SPEF2: variants seen among roughly 807,000 people sequenced by gnomAD.
The protein encoded by SPEF2 is sperm flagella and cilia-associated protein 2.
SPEF2 carries 187 observed loss-of-function variants against 224.6 expected under a neutral mutation model. The observed-to-expected ratio is 0.83, with a 90% CI of 0.74 to 0.94. The LOEUF (loss-of-function observed/expected upper bound fraction) is 0.94, where lower values mean the gene tolerates loss of function less well. Ranked by LOEUF, SPEF2 falls within the 40% of genes least tolerant of loss-of-function variation. The probability of loss-of-function intolerance (pLI) is 0.00; values close to 1 mark genes in which losing one functional copy is unlikely to be tolerated. For synonymous variants in SPEF2, 715 were observed against 707.3 expected (o/e 1.01, Z -0.17); for missense variants, 2,170 against 2,135.6 (o/e 1.02, Z -0.32).
At chr5:35,746,943 G>A (rs1748635829) in intron 23 of SPEF2, among the ~76,000 whole-genome samples, 1 of 152,052 alleles carries the variant, frequency 6.6e-6, no homozygotes, top group South Asian at 2.1e-4. Flanking sequence ...AACTTATAAA[G>A]GAAAACCTAT....
intron 25 of SPEF2, 72 bp downstream of exon 25, chr5:35,759,791 CT>C: frequency 6.7e-6 from 9 of 1,341,740 alleles, no homozygotes; most frequent in Non-Finnish European, 8.9e-6. Context: ...TTAATTACCA[CT>C]AATAAAAATC....
chr5:35,651,043 C>T (rs55927749), intron 6 of SPEF2, among the ~76,000 whole-genome samples: 54,749 of 152,064 alleles, frequency 0.36, 10,666 homozygotes, highest in East Asian at 0.55. Context: ...GCTGGGACTC[C>T]GGCCACTTGG....
At chr5:35,703,026 T>C (rs1337445161) in intron 16 of SPEF2, among the ~76,000 whole-genome samples, 3 of 150,526 alleles carry the variant, frequency 2.0e-5, no homozygotes, top group African/African-American at 7.3e-5. Flanking sequence ...AGAGAGTGAG[T>C]GGAGATAACT....
At chr5:35,730,786 A>G (rs1338363106) in intron 21 of SPEF2, among the ~76,000 whole-genome samples, 3 of 152,246 alleles carry the variant, frequency 2.0e-5, no homozygotes, top group African/African-American at 7.2e-5. Flanking sequence ...TCAGGAAAGC[A>G]TATTTCAAAC....
chr5:35,712,874 C>T lies in SPEF2; in HGVS notation c.2902C>T (p.Leu968Phe), dbSNP rs766007128. The change falls in exon 20 of 37, where the codon CTC becomes TTC. Residue 968 changes from leucine (L) to phenylalanine (F), a missense_variant. Physicochemically the swap from Leu to Phe is conservative, Grantham distance 22. Transcript: ENST00000356031. ...EGKGKKGETA[L>F]KRKGSPKGKS... ...AAAAGGGAAGAAAGGTGAGACCGCA[C>T]TCAAAAGAAAAGGTACAGCAGATAA... 4.3e-6 allele frequency: 7 copies of T among 1,613,444 alleles called. No individual in the cohort carries two copies. In the African/African-American group the frequency reaches 6.7e-5, roughly 15 times the overall value.
At position 35,799,179 on chromosome 5, in the gene SPEF2, A is replaced by G. The variant is rs370449469; in HGVS notation, c.4831-789A>G. On this transcript the variant is annotated intron_variant, in intron 33 of 36. Transcript: ENST00000356031. ...TACTTAACCAGAATTCACATTTTAA[A>G]AAGGTTCTCCAGGTCATAAATATAC... Among the ~76,000 whole-genome samples, 3 of 152,176 alleles carry G rather than the reference A, an allele frequency of 2.0e-5. No individual in the cohort carries two copies. In the East Asian group the frequency reaches 5.8e-4, roughly 29 times the overall value.
At chr5:35,680,499 TATTG>T (rs1752639358) in intron 10 of SPEF2, among the ~76,000 whole-genome samples, 1 of 152,186 alleles carries the variant, frequency 6.6e-6, no homozygotes, top group Non-Finnish European at 1.5e-5. Flanking sequence ...GAGCCTATAG[TATTG>T]ATTGATTGAC....
chr5:35,799,517 A>G (rs760233680), intron 33 of SPEF2, among the ~76,000 whole-genome samples: 1 of 152,116 alleles, frequency 6.6e-6, no homozygotes, highest in Non-Finnish European at 1.5e-5. Flanking sequence ...AGACTTTTTA[A>G]TGGCTAGAAT....
chr5:35,683,477 T>C (rs559555711), intron 10 of SPEF2, among the ~76,000 whole-genome samples: 4 of 152,176 alleles, frequency 2.6e-5, no homozygotes, highest in Admixed American at 2.6e-4. Flanking sequence ...ATCCAAAAAT[T>C]AGCTAGGCGT....
At chr5:35,795,915 C>T in intron 33 of SPEF2, 120 bp downstream of exon 33, 1 of 849,972 alleles carries the variant, frequency 1.2e-6, no homozygotes, top group Non-Finnish European at 1.9e-6. Flanking sequence ...CCTCTGCTGC[C>T]TCTCCAAAGT....
At chr5:35,708,639 T>TACC (rs1561236247) in intron 18 of SPEF2, among the ~76,000 whole-genome samples, 5 of 932 alleles carry the variant, frequency 5.4e-3, no homozygotes, top group East Asian at 0.021. Context: ...CCATCACCTC[T>TACC]ACCAGCACCT....
In SPEF2 at chr5:35,654,710, C is replaced by A. The variant is rs201211066; in HGVS notation, c.962C>A (p.Ala321Asp). The A allele has an allele frequency of 1.9e-6, 3 of 1,605,534 alleles. No homozygotes were observed. The highest frequency in any genetic ancestry group is 2.5e-6 in the Non-Finnish European group (3 of 1,178,024). Reference sequence around the variant, plus strand: ...AAATTGTTAATGGACCAGTTAATAGCCCACGAAGCACAAGAGGTAAGATAT... The same window carrying A: ...AAATTGTTAATGGACCAGTTAATAGACCACGAAGCACAAGAGGTAAGATAT... ...RRKLLMDQLIAHEAQEEAYRE... is the reference protein window; with the variant it reads ...RRKLLMDQLIDHEAQEEAYRE... The change falls in exon 7 of 37, where the codon GCC becomes GAC. Residue 321 changes from alanine (A) to aspartate (D), a missense_variant. Coordinates refer to ENST00000356031, the MANE Select transcript of SPEF2 (RefSeq NM_024867.4).
intron 23 of SPEF2, among the ~76,000 whole-genome samples, chr5:35,743,893 C>G (rs1428091099): frequency 6.6e-6 from 1 of 152,088 alleles, no homozygotes; most frequent in Non-Finnish European, 1.5e-5. Flanking sequence ...CCACAACCAC[C>G]CTCTGAGGCA....
intron 10 of SPEF2, 25 bp from the exon 11 acceptor site, chr5:35,691,012 G>C: frequency 6.3e-7 from 1 of 1,583,956 alleles, no homozygotes; most frequent in Non-Finnish European, 8.6e-7. Context: ...GAATATTTCT[G>C]TTTATTTGAT....
At chr5:35,757,062 A>C (rs1166449151) in intron 24 of SPEF2, among the ~76,000 whole-genome samples, 1 of 152,014 alleles carries the variant, frequency 6.6e-6, no homozygotes, top group South Asian at 2.1e-4. Flanking sequence ...TATTAAAAAT[A>C]TTGTTTTTAA....
chr5:35,776,455 T>C (rs988801770), intron 29 of SPEF2, 60 bp downstream of exon 29: 15 of 1,525,224 alleles, frequency 9.8e-6, no homozygotes, highest in Non-Finnish European at 1.2e-5. Context: ...CCAAAATTGA[T>C]GAAGATTTTT....
chr5:35,772,840 C>A (rs1246914306), intron 27 of SPEF2, among the ~76,000 whole-genome samples: 1 of 152,156 alleles, frequency 6.6e-6, no homozygotes, highest in Non-Finnish European at 1.5e-5. Flanking sequence ...ACATATACAT[C>A]TATTATTGCA....
At chr5:35,646,865 C>G in intron 5 of SPEF2, 58 bp downstream of exon 5, 5 of 1,571,384 alleles carry the variant, frequency 3.2e-6, no homozygotes, top group Non-Finnish European at 4.3e-6. Flanking sequence ...AATAGTCTGT[C>G]TCTGGAACAT....
intron 9 of SPEF2, among the ~76,000 whole-genome samples, chr5:35,668,387 G>C (rs1454942641): frequency 6.6e-6 from 1 of 152,110 alleles, no homozygotes; most frequent in East Asian, 1.9e-4. Context: ...GGCTGCGTGG[G>C]AAAGAGCCAG....
Sources: gnomAD v4.1 joint callset for allele counts (sites outside exome capture counted in the v4.1 genomes callset) on GRCh38, gnomAD v4.1.1 for gene constraint, MANE v1.5 for transcripts, NCBI Gene and HGNC (gene_info 2026-07-23, HGNC 2026-07-21) for gene names.